KHDRBS2: variants seen among roughly 807,000 people sequenced by gnomAD.
KHDRBS2 encodes KH RNA binding domain containing, signal transduction associated 2, also known as KH domain-containing, RNA-binding, signal transduction-associated protein 2.
In KHDRBS2, 26 loss-of-function variants were observed where a neutral mutation model predicts 44.3. The ratio of observed to expected loss-of-function variants is 0.59; its 90% CI spans 0.43 to 0.81. The LOEUF (loss-of-function observed/expected upper bound fraction) is 0.81. Among genes scored for constraint, KHDRBS2 ranks in the 40% least tolerant of loss-of-function variants. The pLI is 0.00. For synonymous variants in KHDRBS2, 194 were observed against 151.1 expected, an observed-to-expected ratio of 1.28 and a Z score of -2.08; for missense variants, 476 against 433.1, an observed-to-expected ratio of 1.10 and a Z score of -0.88.
intron 1 of KHDRBS2, among the ~76,000 whole-genome samples, chr6:62,270,651 A>AT (rs1839943227): frequency 6.6e-6 from 1 of 152,004 alleles, no homozygotes; most frequent in South Asian, 2.1e-4. Flanking sequence ...ACCAAAACTC[A>AT]TTAAGTTTTA....
chr6:62,048,003 C>T lies in KHDRBS2; in HGVS notation c.220-9G>A. 7.4e-7 allele frequency: 1 copy of T among 1,350,238 alleles called. No individual in the cohort carries two copies. The highest frequency in any genetic ancestry group is 1.1e-6 in the Non-Finnish European group (1 of 939,692). 83.6% of individuals were successfully genotyped at this position (1,350,238 alleles called of 1,614,324 possible). A position where few individuals can be genotyped will look rare whatever the true frequency, so the allele number is the denominator to read the frequency against. On this transcript the variant is annotated splice_polypyrimidine_tract_variant and intron_variant, in intron 2 of 8. Transcript: ENST00000281156. ...TTCCCCACAAAATTGAACTAGGAAACAAAATCAATAGAATGTCTGTTTTAA... is the reference window on the plus strand; with the variant it reads ...TTCCCCACAAAATTGAACTAGGAAATAAAATCAATAGAATGTCTGTTTTAA...
intron 1 of KHDRBS2, among the ~76,000 whole-genome samples, chr6:62,202,945 G>A (rs1439795051): frequency 6.6e-6 from 1 of 152,084 alleles, no homozygotes; most frequent in Non-Finnish European, 1.5e-5. Flanking sequence ...ATAATTGATT[G>A]TATTTTATTA....
chr6:61,579,094 G>A, the KHDRBS2 span, among the ~76,000 whole-genome samples: 14 of 152,224 alleles, frequency 9.2e-5, no homozygotes, highest in East Asian at 3.9e-4. Flanking sequence ...AAGCACATGC[G>A]TAGGCTCAGG....
At chr6:62,123,458 C>T (rs1212809256) in intron 2 of KHDRBS2, among the ~76,000 whole-genome samples, 11 of 152,134 alleles carry the variant, frequency 7.2e-5, no homozygotes, top group Non-Finnish European at 1.6e-4. Flanking sequence ...GTTCTAGATC[C>T]TTGAGGAATC....
the KHDRBS2 span, among the ~76,000 whole-genome samples, chr6:61,653,298 T>C: frequency 3.9e-4 from 60 of 152,218 alleles, 1 homozygote; most frequent in Non-Finnish European, 5.3e-4. Flanking sequence ...TCAATGATAT[T>C]CAACAAAGAT....
At chr6:61,954,409 GCATACATA>G (rs1765558998) in intron 4 of KHDRBS2, among the ~76,000 whole-genome samples, 1 of 88,446 alleles carries the variant, frequency 1.1e-5, no homozygotes, top group Non-Finnish European at 3.0e-5. Flanking sequence ...ATGTATGCAT[GCATACATA>G]TATACGTATG....
intron 3 of KHDRBS2, among the ~76,000 whole-genome samples, chr6:61,996,508 T>A (rs1777190553): frequency 6.6e-6 from 1 of 152,186 alleles, no homozygotes; most frequent in South Asian, 2.1e-4. Flanking sequence ...TGGGCCTTTT[T>A]ATTGGCAAAT....
chr6:61,982,470 G>A (rs1774040991), intron 3 of KHDRBS2, among the ~76,000 whole-genome samples: 1 of 152,048 alleles, frequency 6.6e-6, no homozygotes, highest in Non-Finnish European at 1.5e-5. Context: ...AGGAGATCGA[G>A]ACCATCCTGG....
At chr6:61,574,720 C>CCCAG in the KHDRBS2 span, among the ~76,000 whole-genome samples, 3 of 152,066 alleles carry the variant, frequency 2.0e-5, no homozygotes, top group Non-Finnish European at 4.4e-5. Flanking sequence ...GCCTGGCCAA[C>CCCAG]ATGGTGGGTG....
At chr6:61,870,215 G>A (rs1335363411) in intron 6 of KHDRBS2, among the ~76,000 whole-genome samples, 3 of 151,700 alleles carry the variant, frequency 2.0e-5, no homozygotes, top group African/African-American at 4.8e-5. Flanking sequence ...AGCGGGGTGG[G>A]CATTTGCCAT....
intron 6 of KHDRBS2, among the ~76,000 whole-genome samples, chr6:61,884,860 A>G (rs1583323916): frequency 6.6e-6 from 1 of 152,148 alleles, no homozygotes; most frequent in African/African-American, 2.4e-5. Flanking sequence ...CCCCATAGAG[A>G]TGTGTATTTT....
intron 1 of KHDRBS2, among the ~76,000 whole-genome samples, chr6:62,197,369 T>C (rs958542174): frequency 6.6e-6 from 1 of 152,096 alleles, no homozygotes; most frequent in African/African-American, 2.4e-5. Flanking sequence ...AACCTATGGT[T>C]ACAATCAAAT....
intron 1 of KHDRBS2, among the ~76,000 whole-genome samples, chr6:62,228,000 C>G (rs1357690636): frequency 1.3e-5 from 2 of 152,156 alleles, no homozygotes; most frequent in Non-Finnish European, 2.9e-5. Flanking sequence ...TGTTGTTTCT[C>G]TGCCACATTT....
chr6:61,636,757 C>T, the KHDRBS2 span, among the ~76,000 whole-genome samples: 1 of 152,056 alleles, frequency 6.6e-6, no homozygotes, highest in Non-Finnish European at 1.5e-5. Context: ...TTCAATCTTA[C>T]ACCTCTATTT....
chr6:62,116,683 G>A (rs1341711136), intron 2 of KHDRBS2, among the ~76,000 whole-genome samples: 1 of 152,026 alleles, frequency 6.6e-6, no homozygotes, highest in Non-Finnish European at 1.5e-5. Flanking sequence ...TCCCTACTGT[G>A]CTATCAAACA....
intron 3 of KHDRBS2, among the ~76,000 whole-genome samples, chr6:62,013,541 T>C (rs1417215164): frequency 3.3e-5 from 5 of 152,078 alleles, no homozygotes; most frequent in Non-Finnish European, 5.9e-5. Context: ...AAAATGTGTT[T>C]AGTACAATGT....
intron 4 of KHDRBS2, among the ~76,000 whole-genome samples, chr6:61,945,150 T>C (rs28405225): frequency 0.013 from 1,106 of 86,952 alleles, 112 homozygotes; most frequent in African/African-American, 0.024. Flanking sequence ...TATATATATA[T>C]ACACACAGAC....
At chr6:62,242,269 C>T (rs1834799823) in intron 1 of KHDRBS2, among the ~76,000 whole-genome samples, 1 of 152,036 alleles carries the variant, frequency 6.6e-6, no homozygotes, top group Non-Finnish European at 1.5e-5. Context: ...CTAAAGCAGC[C>T]CGGACTATCA....
At chr6:62,216,644 A>T (rs1214030034) in intron 1 of KHDRBS2, among the ~76,000 whole-genome samples, 1 of 151,018 alleles carries the variant, frequency 6.6e-6, no homozygotes, top group Non-Finnish European at 1.5e-5. Context: ...AAGCCACATG[A>T]CTAAGGTTTG....
Sources: allele counts gnomAD v4.1 joint callset (sites outside exome capture counted in the v4.1 genomes callset), GRCh38; gene constraint gnomAD v4.1.1; transcripts MANE v1.5; gene names NCBI Gene and HGNC (gene_info 2026-07-23, HGNC 2026-07-21).